MYOCD: variants seen among roughly 807,000 people sequenced by gnomAD.
The protein encoded by MYOCD is myocardin.
MYOCD carries 32 observed loss-of-function variants against 96.1 expected under a neutral mutation model. That is an observed-to-expected ratio of 0.33 (90% CI 0.25 to 0.45). The LOEUF is 0.45. Ranked by LOEUF, MYOCD falls within the 20% of genes least tolerant of loss-of-function variation. The pLI, the probability that MYOCD is intolerant of heterozygous loss-of-function variation, is 1.00. For missense variants in MYOCD, 1,133 were observed against 1,200.6 expected, an observed-to-expected ratio of 0.94 and a Z score of 0.83; for synonymous variants, 469 against 469.0, an observed-to-expected ratio of 1.00 and a Z score of 0.00.
intron 9 of MYOCD, 58 bp from the exon 10 acceptor site, chr17:12,752,356 T>C (rs2032873401): frequency 3.5e-6 from 5 of 1,421,300 alleles, no homozygotes; most frequent in Non-Finnish European, 4.8e-6. Context: ...GTATAATGAA[T>C]ACACTTTTAA....
intron 1 of MYOCD, among the ~76,000 whole-genome samples, chr17:12,674,062 C>T (rs1676480760): frequency 6.6e-6 from 1 of 152,170 alleles, no homozygotes; most frequent in Admixed American, 6.5e-5. Context: ...GTTACTGAAC[C>T]TATTATCTGT....
In MYOCD at chr17:12,764,240, T is replaced by C. The variant is rs894225237; in HGVS notation, c.*596T>C. 3.9e-5 allele frequency: 6 copies of C among 152,324 alleles called. No homozygotes were observed. The highest frequency in any genetic ancestry group is 1.2e-4 in the African/African-American group (5 of 41,458). The allele number at this position is 152,324 out of a possible 1,614,324, so 9.4% of individuals were successfully genotyped here. A position where few individuals can be genotyped will look rare whatever the true frequency, so the allele number is the denominator to read the frequency against. ...CTCTCTTTTCCCTCTACCACAAAAC[T>C]GCCCTGCTGGAGTGGTTCTGAACCT... On this transcript the variant is annotated 3_prime_UTR_variant, in exon 14 of 14. Transcript: ENST00000425538.
intron 8 of MYOCD, among the ~76,000 whole-genome samples, chr17:12,745,499 G>A (rs934565353): frequency 3.9e-5 from 6 of 152,208 alleles, no homozygotes; most frequent in Middle Eastern, 3.4e-3. Flanking sequence ...ATGAGCCACC[G>A]TGCCTGGCCA....
rs140909333 is a variant in MYOCD, at chr17:12,768,530, G to A, written c.*4886G>A. 6.6e-5 allele frequency: 10 copies of A among 152,180 alleles called. No individual in the cohort carries two copies. The highest frequency in any genetic ancestry group is 2.4e-4 in the African/African-American group (10 of 41,526). 9.4% of individuals were successfully genotyped at this position (152,180 alleles called of 1,614,324 possible). A position where few individuals can be genotyped will look rare whatever the true frequency, so the allele number is the denominator to read the frequency against. On this transcript the variant is annotated 3_prime_UTR_variant, in exon 14 of 14. Coordinates refer to ENST00000425538, the MANE Select transcript of MYOCD (RefSeq NM_001146312.3). ...CCTGGAGCATGCATTTCCTAGAAGTGGTTTCATAGCTCCTGTGTGTTCATG... is the reference window on the plus strand; with the variant it reads ...CCTGGAGCATGCATTTCCTAGAAGTAGTTTCATAGCTCCTGTGTGTTCATG...
At chr17:12,689,325 A>C (rs1321697458) in intron 1 of MYOCD, among the ~76,000 whole-genome samples, 1 of 152,160 alleles carries the variant, frequency 6.6e-6, no homozygotes, top group Non-Finnish European at 1.5e-5. Flanking sequence ...AGAATCCTGA[A>C]GCCTTGATTT....
rs137968466 is a variant in MYOCD at position 12,703,751 on chromosome 17, A to ATT, written c.56-1369_56-1368dup. On this transcript the variant is annotated intron_variant, in intron 1 of 13. Coordinates refer to ENST00000425538, the MANE Select transcript of MYOCD (RefSeq NM_001146312.3). ...CACACTAGTTCCTGAGGCTCTGCTC[A>ATT]TTTTTTTTTCATCTTTTTTCTCTCT... Among the ~76,000 whole-genome samples, 3 of 149,570 alleles carry ATT rather than the reference A, an allele frequency of 2.0e-5. No homozygotes were observed. In the East Asian group the frequency reaches 5.9e-4, roughly 29 times the overall value.
chr17:12,698,844 G>A (rs371593223), intron 1 of MYOCD, among the ~76,000 whole-genome samples: 3 of 137,040 alleles, frequency 2.2e-5, no homozygotes, highest in East Asian at 4.8e-4. Context: ...CCCGGTTCAC[G>A]CCATTCTCCT....
chr17:12,754,037 C>T (rs760097024), intron 10 of MYOCD, among the ~76,000 whole-genome samples: 1 of 150,314 alleles, frequency 6.7e-6, no homozygotes, highest in Non-Finnish European at 1.5e-5. Flanking sequence ...GAAGATGACA[C>T]ATCTTATGGA....
chr17:12,751,036 G>T (rs544613878), intron 9 of MYOCD, among the ~76,000 whole-genome samples: 1 of 152,008 alleles, frequency 6.6e-6, no homozygotes, highest in Non-Finnish European at 1.5e-5. Flanking sequence ...ACTTACAGAA[G>T]TTTTAAATTT....
At chr17:12,694,449 G>A (rs186922828) in intron 1 of MYOCD, among the ~76,000 whole-genome samples, 5 of 152,286 alleles carry the variant, frequency 3.3e-5, no homozygotes, top group African/African-American at 7.2e-5. Context: ...AAGCTCAGCC[G>A]AACCTGGAGA....
At position 12,765,273 on chromosome 17, in the gene MYOCD, T is replaced by C. The variant is rs2033307504; in HGVS notation, c.*1629T>C. On this transcript the variant is annotated 3_prime_UTR_variant, in exon 14 of 14. Transcript: ENST00000425538. ...GAAAGGAGCTATTGCTGTTGTTTTG[T>C]TTTTTTATTTAAATCACTAAGGCAC... 2 of 151,846 alleles carry C rather than the reference T, an allele frequency of 1.3e-5. No homozygotes were observed. The highest frequency in any genetic ancestry group is 2.1e-4 in the South Asian group (1 of 4,808). 9.4% of individuals were successfully genotyped at this position (151,846 alleles called of 1,614,324 possible). A position where few individuals can be genotyped will look rare whatever the true frequency, so the allele number is the denominator to read the frequency against.
intron 1 of MYOCD, among the ~76,000 whole-genome samples, chr17:12,682,514 G>A (rs1297730501): frequency 6.6e-6 from 1 of 152,198 alleles, no homozygotes; most frequent in Non-Finnish European, 1.5e-5. Flanking sequence ...CCTAGGGTAG[G>A]ATTCAACAGA....
intron 2 of MYOCD, among the ~76,000 whole-genome samples, chr17:12,713,675 A>G (rs1462516560): frequency 1.3e-5 from 2 of 152,182 alleles, no homozygotes; most frequent in African/African-American, 4.8e-5. Flanking sequence ...GACTTCAAGC[A>G]GACTTTGTAT....
intron 2 of MYOCD, among the ~76,000 whole-genome samples, chr17:12,709,521 T>C (rs1433625355): frequency 7.9e-5 from 12 of 152,208 alleles, no homozygotes; most frequent in African/African-American, 2.4e-5. Flanking sequence ...ACAATGGCAG[T>C]TGTGAAATTC....
intron 1 of MYOCD, among the ~76,000 whole-genome samples, chr17:12,688,684 TTCC>T (rs1451522337): frequency 2.7e-5 from 4 of 150,876 alleles, no homozygotes; most frequent in Non-Finnish European, 5.9e-5. Context: ...CCTTTCTTCC[TTCC>T]TTCCTTCCTC....
Position 12,722,840 on chromosome 17 carries a change from C to A in MYOCD, c.254-7C>A, listed in dbSNP as rs765230952. On this transcript the variant is annotated splice_polypyrimidine_tract_variant and splice_region_variant and intron_variant, in intron 4 of 13. Coordinates refer to ENST00000425538, the MANE Select transcript of MYOCD (RefSeq NM_001146312.3). ...TAGAACTGATCCTTTTCATTTCAAC[C>A]CTTTAGCTTCCACTGCAGAGAGGTC... 6.2e-7 allele frequency: 1 copy of A among 1,604,152 alleles called. No homozygotes were observed. Among genetic ancestry groups the A allele is most frequent in the Non-Finnish European group, 8.5e-7 (1 of 1,176,258 alleles).
At chr17:12,740,961 C>A (rs2032488676) in intron 7 of MYOCD, among the ~76,000 whole-genome samples, 1 of 152,136 alleles carries the variant, frequency 6.6e-6, no homozygotes. Context: ...TGATCTTGAA[C>A]TCCTGACCTC....
chr17:12,746,985 C>A (rs2032683714), intron 9 of MYOCD, among the ~76,000 whole-genome samples: 1 of 151,916 alleles, frequency 6.6e-6, no homozygotes, highest in Non-Finnish European at 1.5e-5. Flanking sequence ...GCCTTGGCCT[C>A]CCAAAGTGCT....
intron 1 of MYOCD, among the ~76,000 whole-genome samples, chr17:12,667,672 C>G (rs1181581363): frequency 3.9e-5 from 6 of 152,182 alleles, no homozygotes; most frequent in Non-Finnish European, 8.8e-5. Flanking sequence ...CTAAAAGGAT[C>G]TGGTGATGTA....
Sources: gnomAD v4.1 joint callset for allele counts (sites outside exome capture counted in the v4.1 genomes callset) on GRCh38, gnomAD v4.1.1 for gene constraint, MANE v1.5 for transcripts, NCBI Gene and HGNC (gene_info 2026-07-23, HGNC 2026-07-21) for gene names.